CARF: variants seen among roughly 807,000 people sequenced by gnomAD.
CARF encodes calcium responsive transcription factor.
CARF carries 57 observed loss-of-function variants against 82.0 expected under a neutral mutation model. That is an observed-to-expected ratio of 0.70 (90% CI 0.56 to 0.87). The LOEUF (loss-of-function observed/expected upper bound fraction) is 0.87, where lower values mean the gene tolerates loss of function less well. Among genes scored for constraint, CARF ranks in the 40% least tolerant of loss-of-function variants. The pLI is 0.00. For synonymous variants in CARF, 268 were observed against 290.1 expected (o/e 0.92, Z 0.77); for missense variants, 771 against 855.8 (o/e 0.90, Z 1.24).
At chr2:202,913,636 G>A (rs1190555462) in intron 1 of CARF, among the ~76,000 whole-genome samples, 1 of 152,164 alleles carries the variant, frequency 6.6e-6, no homozygotes, top group African/African-American at 2.4e-5. Context: ...TTATTGTAGT[G>A]GTGAGGATTT....
intron 3 of CARF, among the ~76,000 whole-genome samples, chr2:202,941,240 ATT>A (rs2058215653): frequency 6.6e-6 from 1 of 152,308 alleles, no homozygotes; most frequent in Non-Finnish European, 1.5e-5. Flanking sequence ...GTAGCCATAT[ATT>A]AAAAATGGAC....
intron 3 of CARF, among the ~76,000 whole-genome samples, chr2:202,926,848 G>T (rs181427942): frequency 2.0e-4 from 31 of 152,108 alleles, no homozygotes; most frequent in African/African-American, 7.2e-4. Context: ...TTTGAGACAG[G>T]GTCTTGCTCT....
At chr2:202,980,206 C>T (rs565693836) in intron 14 of CARF, among the ~76,000 whole-genome samples, 28 of 152,258 alleles carry the variant, frequency 1.8e-4, no homozygotes, top group Admixed American at 6.5e-4. Context: ...TATCCATCTG[C>T]TCTGGCCTCC....
intron 14 of CARF, among the ~76,000 whole-genome samples, chr2:202,979,172 G>A (rs2060146946): frequency 2.0e-5 from 3 of 151,618 alleles, no homozygotes; most frequent in East Asian, 3.9e-4. Context: ...CAGGAGAATC[G>A]CTTGAACCTG....
intron 1 of CARF, among the ~76,000 whole-genome samples, chr2:202,914,112 T>G (rs1689155426): frequency 6.6e-6 from 1 of 152,210 alleles, no homozygotes. Context: ...AGCTGATGCT[T>G]TTACTTTGAG....
chr2:202,974,417 T>TA lies in CARF; in HGVS notation c.1421dup (p.Asn474LysfsTer5). On this transcript the variant is annotated frameshift_variant, in exon 13 of 17. Transcript: ENST00000438828. LOFTEE classifies it high-confidence loss of function. ...TCTTTTTTTCCAACTGTAAATGATA[T>TA]AAAAAATCACATCCATGAGGTACAG... is the stretch of plus-strand genomic sequence containing the variant. 2 of 1,611,054 alleles carry TA rather than the reference T, an allele frequency of 1.2e-6. No homozygotes were observed. Among genetic ancestry groups the TA allele is most frequent in the Non-Finnish European group, 8.5e-7 (1 of 1,179,034 alleles).
intron 8 of CARF, among the ~76,000 whole-genome samples, chr2:202,960,163 T>C (rs899158013): frequency 6.6e-6 from 1 of 152,202 alleles, no homozygotes; most frequent in African/African-American, 2.4e-5. Context: ...CCTTTTAGAT[T>C]TAAAAATTAT....
In CARF at chr2:202,961,351, C is replaced by G; in HGVS notation, c.757C>G (p.Pro253Ala). The G allele has an allele frequency of 6.2e-7, 1 of 1,614,200 alleles. No homozygotes were observed. Among genetic ancestry groups the G allele is most frequent in the Non-Finnish European group, 8.5e-7 (1 of 1,180,044 alleles). Reference protein sequence around the residue: ...SVWGTRQSPSPAKPATRLMWK... With the variant: ...SVWGTRQSPSAAKPATRLMWK... ...TTGGGGGACCCGTCAGTCTCCAAGC[C>G]CAGCCAAGCCTGCTACACGCTTGAT... The change falls in exon 9 of 17, where the codon CCA becomes GCA. Residue 253 changes from proline to alanine, a missense_variant. Coordinates refer to ENST00000438828, the MANE Select transcript of CARF (RefSeq NM_024744.17).
In CARF at chr2:202,961,218, T is replaced by C; in HGVS notation, c.643-19T>C. The C allele has an allele frequency of 6.3e-7, 1 of 1,588,688 alleles. No homozygotes were observed. The highest frequency in any genetic ancestry group is 1.1e-5 in the South Asian group (1 of 88,004). On this transcript the variant is annotated intron_variant, in intron 8 of 16. Transcript: ENST00000438828. ...GAAGTGTATTGCTAGTAATTTTGTT[T>C]AATTTCTACCACATGCAGAAAATTG...
chr2:202,980,448 C>A (rs1311752333), intron 14 of CARF, among the ~76,000 whole-genome samples: 3 of 149,386 alleles, frequency 2.0e-5, no homozygotes, highest in African/African-American at 7.4e-5. Context: ...CATTAAAGAC[C>A]AATTTTTCCA....
intron 3 of CARF, 142 bp downstream of exon 3, chr2:202,924,557 C>T (rs1559188583): frequency 1.3e-5 from 2 of 152,324 alleles, no homozygotes; most frequent in Admixed American, 1.3e-4. Context: ...CTTCTCAGCT[C>T]CATCTCGAAT....
At chr2:202,967,795 G>T (rs1416942638) in intron 10 of CARF, among the ~76,000 whole-genome samples, 2 of 152,112 alleles carry the variant, frequency 1.3e-5, no homozygotes, top group African/African-American at 4.8e-5. Flanking sequence ...GACAAATATT[G>T]CAAAGTTGCT....
At chr2:202,950,906 G>C (rs1314126510) in intron 5 of CARF, among the ~76,000 whole-genome samples, 1 of 152,092 alleles carries the variant, frequency 6.6e-6, no homozygotes, top group African/African-American at 2.4e-5. Flanking sequence ...CATTGGGGAA[G>C]GAAGGAAACA....
At chr2:202,953,492 T>G (rs1374272970) in intron 6 of CARF, among the ~76,000 whole-genome samples, 1 of 105,212 alleles carries the variant, frequency 9.5e-6, no homozygotes, top group East Asian at 2.7e-4. Flanking sequence ...TTACTCTTTT[T>G]TTGTTGTTTT....
At chr2:202,917,674 G>A (rs976529808) in intron 1 of CARF, among the ~76,000 whole-genome samples, 1 of 152,190 alleles carries the variant, frequency 6.6e-6, no homozygotes, top group Non-Finnish European at 1.5e-5. Flanking sequence ...AACAGGCACA[G>A]AGAGATTGTC....
intron 12 of CARF, among the ~76,000 whole-genome samples, chr2:202,972,314 A>G (rs2059820817): frequency 6.6e-6 from 1 of 152,072 alleles, no homozygotes; most frequent in African/African-American, 2.4e-5. Context: ...AGCACTATTA[A>G]GTTGGTATAT....
At chr2:202,944,609 T>TA (rs2058401166) in intron 5 of CARF, among the ~76,000 whole-genome samples, 2 of 152,182 alleles carry the variant, frequency 1.3e-5, no homozygotes, top group Non-Finnish European at 2.9e-5. Context: ...TTGTTTATGT[T>TA]CAGGTTTTCT....
In CARF at chr2:202,942,785, G is replaced by T. The variant is rs2058292762; in HGVS notation, c.124G>T (p.Asp42Tyr). The change falls in exon 5 of 17, where the codon GAT becomes TAT. Residue 42 changes from aspartate to tyrosine, a missense_variant. Asp to Tyr is a radical substitution (Grantham distance 160). Transcript: ENST00000438828. ...CAGGGATTCTTCCTTTGGACAAAAT[G>T]ATTCTCCTACAGTTTTGCCCATCAC... ...DSRDSSFGQN[D>Y]SPTVLPITTR... 2 of 1,613,606 alleles carry T rather than the reference G, an allele frequency of 1.2e-6. No individual in the cohort carries two copies. Among genetic ancestry groups the T allele is most frequent in the South Asian group, 2.2e-5 (2 of 91,064 alleles).
chr2:202,969,825 A>G, intron 10 of CARF, 94 bp from the exon 11 acceptor site: 1 of 790,214 alleles, frequency 1.3e-6, no homozygotes, highest in Non-Finnish European at 1.8e-6. Context: ...ATTTTCTCTA[A>G]GCTTAAATGC....
Sources: allele counts gnomAD v4.1 joint callset (sites outside exome capture counted in the v4.1 genomes callset), GRCh38; gene constraint gnomAD v4.1.1; transcripts MANE v1.5; gene names NCBI Gene and HGNC (gene_info 2026-07-23, HGNC 2026-07-21).